Variants in SCHIP1 observed in about 807,000 individuals in gnomAD.
The protein encoded by SCHIP1 is schwannomin interacting protein 1.
A neutral mutation model predicts 29.7 loss-of-function variants in SCHIP1; 8 were observed. The ratio of observed to expected loss-of-function variants is 0.27; its 90% CI spans 0.16 to 0.49. The LOEUF (loss-of-function observed/expected upper bound fraction) is 0.49. Ranked by LOEUF, SCHIP1 falls within the 20% of genes least tolerant of loss-of-function variation. The pLI, the probability that SCHIP1 is intolerant of heterozygous loss-of-function variation, is 0.99. For synonymous variants in SCHIP1, 76 were observed against 94.9 expected (o/e 0.80, Z 1.16); for missense variants, 193 against 294.6 (o/e 0.66, Z 2.52).
the SCHIP1 span, among the ~76,000 whole-genome samples, chr3:159,571,702 T>A: frequency 2.0e-5 from 3 of 152,246 alleles, no homozygotes; most frequent in African/African-American, 7.2e-5. Flanking sequence ...GAAGGAATGG[T>A]ACTAGCTCCT....
chr3:159,398,139 C>G, the SCHIP1 span, among the ~76,000 whole-genome samples: 14 of 152,288 alleles, frequency 9.2e-5, no homozygotes, highest in African/African-American at 3.1e-4. Flanking sequence ...AACTCCCTGA[C>G]CCTTTGCGCT....
the SCHIP1 span, among the ~76,000 whole-genome samples, chr3:159,812,610 C>A: frequency 6.6e-6 from 1 of 152,082 alleles, no homozygotes; most frequent in South Asian, 2.1e-4. Context: ...TCACATGGCA[C>A]AATAATCAGT....
chr3:159,527,187 A>G, the SCHIP1 span, among the ~76,000 whole-genome samples: 1 of 152,174 alleles, frequency 6.6e-6, no homozygotes, highest in Non-Finnish European at 1.5e-5. Flanking sequence ...ATCTTCATGT[A>G]AGACAAATGA....
chr3:159,542,020 T>C, the SCHIP1 span, among the ~76,000 whole-genome samples: 1 of 152,066 alleles, frequency 6.6e-6, no homozygotes, highest in African/African-American at 2.4e-5. Flanking sequence ...CCTTTGGGGA[T>C]GGGATATTTG....
At chr3:159,505,138 G>A in the SCHIP1 span, among the ~76,000 whole-genome samples, 2 of 152,158 alleles carry the variant, frequency 1.3e-5, no homozygotes, top group Non-Finnish European at 2.9e-5. Context: ...GATGTAGAGT[G>A]GGAGGGCATG....
the SCHIP1 span, among the ~76,000 whole-genome samples, chr3:159,756,463 C>G: frequency 6.6e-6 from 1 of 152,196 alleles, no homozygotes; most frequent in African/African-American, 2.4e-5. Context: ...GACCCTGGGC[C>G]TGGCCCACGG....
chr3:159,468,749 ATAATATAAT>A, the SCHIP1 span, among the ~76,000 whole-genome samples: 5 of 121,928 alleles, frequency 4.1e-5, no homozygotes, highest in Non-Finnish European at 9.0e-5. Context: ...TATATAATAT[ATAATATAAT>A]ATATATATAT....
At chr3:159,596,861 C>G in the SCHIP1 span, among the ~76,000 whole-genome samples, 1 of 151,564 alleles carries the variant, frequency 6.6e-6, no homozygotes, top group South Asian at 2.1e-4. Context: ...GACGAGTTAA[C>G]AGGTGCAACA....
At chr3:159,859,337 C>T (rs574238756) in intron 1 of SCHIP1, among the ~76,000 whole-genome samples, 31 of 152,258 alleles carry the variant, frequency 2.0e-4, no homozygotes, top group African/African-American at 7.2e-4. Context: ...AAATTAATAA[C>T]ATTTACATAA....
chr3:159,351,732 G>A, the SCHIP1 span, among the ~76,000 whole-genome samples: 1 of 152,136 alleles, frequency 6.6e-6, no homozygotes, highest in Non-Finnish European at 1.5e-5. Context: ...GGTACAGTGA[G>A]TGCACAGCAA....
the SCHIP1 span, among the ~76,000 whole-genome samples, chr3:159,295,759 G>T: frequency 6.6e-6 from 1 of 152,130 alleles, no homozygotes; most frequent in Non-Finnish European, 1.5e-5. Context: ...ATGCTTATGT[G>T]TTTTCTTCTA....
At chr3:159,376,180 A>T in the SCHIP1 span, among the ~76,000 whole-genome samples, 1 of 152,188 alleles carries the variant, frequency 6.6e-6, no homozygotes, top group Admixed American at 6.5e-5. Flanking sequence ...CCATTAGAAA[A>T]AGGCTACTTA....
chr3:159,722,828 C>T, the SCHIP1 span, among the ~76,000 whole-genome samples: 2 of 152,294 alleles, frequency 1.3e-5, no homozygotes, highest in South Asian at 4.1e-4. Context: ...CAGATTTGAA[C>T]CCTCTGTTTC....
chr3:159,465,348 C>CGTGTGT, the SCHIP1 span, among the ~76,000 whole-genome samples: 2 of 145,194 alleles, frequency 1.4e-5, no homozygotes, highest in African/African-American at 5.1e-5. Flanking sequence ...TGTTTGTGTG[C>CGTGTGT]GTGTGTGTGT....
the SCHIP1 span, among the ~76,000 whole-genome samples, chr3:159,675,559 G>T: frequency 6.6e-6 from 1 of 152,214 alleles, no homozygotes; most frequent in African/African-American, 2.4e-5. Context: ...CCAGGAAACT[G>T]CCTTCCAGGC....
the SCHIP1 span, among the ~76,000 whole-genome samples, chr3:159,389,210 A>C: frequency 1.3e-5 from 2 of 152,116 alleles, no homozygotes; most frequent in South Asian, 2.1e-4. Flanking sequence ...AAAATGAACA[A>C]AGTCTACATA....
the SCHIP1 span, among the ~76,000 whole-genome samples, chr3:159,586,740 C>A: frequency 1.3e-5 from 2 of 152,072 alleles, no homozygotes; most frequent in Admixed American, 6.6e-5. Flanking sequence ...TGGTCCAGGG[C>A]TTTTCTCTGC....
chr3:159,363,570 T>C, the SCHIP1 span, among the ~76,000 whole-genome samples: 1 of 152,184 alleles, frequency 6.6e-6, no homozygotes, highest in Non-Finnish European at 1.5e-5. Context: ...TCTGGCAGGC[T>C]TTGGTGGATG....
the SCHIP1 span, among the ~76,000 whole-genome samples, chr3:159,699,074 C>T: frequency 6.6e-6 from 1 of 152,238 alleles, no homozygotes; most frequent in Non-Finnish European, 1.5e-5. Flanking sequence ...CTATTAATTA[C>T]CAAGATTTTA....
Sources: allele counts gnomAD v4.1 joint callset (sites outside exome capture counted in the v4.1 genomes callset), GRCh38; gene constraint gnomAD v4.1.1; transcripts MANE v1.5; gene names NCBI Gene and HGNC (gene_info 2026-07-23, HGNC 2026-07-21).